RNF150: variants seen among roughly 807,000 people sequenced by gnomAD.
RNF150 encodes the protein ring finger protein 150.
Under a neutral mutation model 39.3 loss-of-function variants are expected in RNF150, and 24 were observed. The ratio of observed to expected loss-of-function variants is 0.61; its 90% CI spans 0.44 to 0.86. The LOEUF (loss-of-function observed/expected upper bound fraction) is 0.86. Among genes scored for constraint, RNF150 ranks in the 40% least tolerant of loss-of-function variants. The probability of loss-of-function intolerance (pLI) is 0.00; values close to 1 mark genes in which losing one functional copy is unlikely to be tolerated. For missense variants in RNF150, 502 were observed against 587.8 expected (o/e 0.85, Z 1.51); for synonymous variants, 255 against 227.3 (o/e 1.12, Z -1.10).
Position 140,999,969 on chromosome 4 carries a change from G to GAAGAAGAAGAAGAAGAAGAA in RNF150, c.485-32097_485-32096insTTCTTCTTCTTCTTCTTCTT, listed in dbSNP as rs1560678529. Among the ~76,000 whole-genome samples, 151 of 31,044 alleles carry GAAGAAGAAGAAGAAGAAGAA rather than the reference G, an allele frequency of 4.9e-3. 34 individuals carry two copies. Among genetic ancestry groups the GAAGAAGAAGAAGAAGAAGAA allele is most frequent in the South Asian group, 0.032 (13 of 402 alleles). The allele number at this position is 31,044 out of a possible 152,430, so 20.4% of individuals were successfully genotyped here. The stretch of plus-strand genomic sequence containing the variant: ...AGAAGAAGAAGAAGAAGAAGAAGAA[G>GAAGAAGAAGAAGAAGAAGAA]AAGAAGAAAAGAAGAAAAGAAGAAA... On this transcript the variant is annotated intron_variant, in intron 1 of 6. Transcript: ENST00000515673.
At chr4:141,203,392 T>C (rs554139288) in intron 1 of RNF150, among the ~76,000 whole-genome samples, 1 of 149,968 alleles carries the variant, frequency 6.7e-6, no homozygotes, top group South Asian at 2.1e-4. Flanking sequence ...ATATATAATA[T>C]TGGAGATTTT....
intron 1 of RNF150, among the ~76,000 whole-genome samples, chr4:141,083,943 C>T (rs1738253677): frequency 6.6e-6 from 1 of 152,186 alleles, no homozygotes; most frequent in South Asian, 2.1e-4. Context: ...TATACCCCTG[C>T]CTCCCAATCC....
chr4:141,161,392 A>T (rs1465385381), intron 1 of RNF150, among the ~76,000 whole-genome samples: 1 of 152,210 alleles, frequency 6.6e-6, no homozygotes, highest in African/African-American at 2.4e-5. Context: ...GTGTAAGCAA[A>T]GAAATGACCT....
At chr4:141,144,625 C>A (rs563737867) in intron 1 of RNF150, among the ~76,000 whole-genome samples, 220 of 143,972 alleles carry the variant, frequency 1.5e-3, no homozygotes, top group African/African-American at 4.4e-3. Context: ...ACTTTAGGAA[C>A]AAAAACGACT....
intron 1 of RNF150, among the ~76,000 whole-genome samples, chr4:141,209,475 TG>T (rs908797253): frequency 6.6e-6 from 1 of 152,198 alleles, no homozygotes; most frequent in African/African-American, 2.4e-5. Flanking sequence ...TAAATATTTT[TG>T]CATATATTTC....
At chr4:141,181,407 ACTT>A (rs1360063064) in intron 1 of RNF150, among the ~76,000 whole-genome samples, 1 of 152,198 alleles carries the variant, frequency 6.6e-6, no homozygotes, top group Non-Finnish European at 1.5e-5. Flanking sequence ...GACCTGAACT[ACTT>A]AAAGTTTTTT....
intron 1 of RNF150, among the ~76,000 whole-genome samples, chr4:141,149,701 G>A (rs1051636016): frequency 6.6e-6 from 1 of 152,094 alleles, no homozygotes; most frequent in Non-Finnish European, 1.5e-5. Context: ...ATAAACATAC[G>A]TGTGCAAGTA....
intron 4 of RNF150, chr4:140,944,537 TAAAG>T (rs991126051): frequency 1.2e-4 from 18 of 152,250 alleles, no homozygotes; most frequent in African/African-American, 4.1e-4. Flanking sequence ...CTACAACAAA[TAAAG>T]AGAGGAAGGC....
chr4:141,105,199 G>A lies in RNF150; in HGVS notation c.484+27126C>T, dbSNP rs1739157277. ...TGTATATAAGTGGGAATAACCCTCT[G>A]GTGATGATTTTTTGAATTAAAGGCT... is the stretch of plus-strand genomic sequence containing the variant. On this transcript the variant is annotated intron_variant, in intron 1 of 6. Coordinates refer to ENST00000515673, the MANE Select transcript of RNF150 (RefSeq NM_020724.2). Among the ~76,000 whole-genome samples the A allele has an allele frequency of 2.0e-5, 3 of 152,114 alleles. No individual in the cohort carries two copies. In the South Asian group the frequency reaches 6.2e-4, roughly 32 times the overall value.
At chr4:141,073,368 A>G (rs113525089) in intron 1 of RNF150, among the ~76,000 whole-genome samples, 244 of 152,256 alleles carry the variant, frequency 1.6e-3, no homozygotes, top group African/African-American at 5.6e-3. Flanking sequence ...AGGTTTCAGC[A>G]CAGGCCTCAT....
intron 6 of RNF150, among the ~76,000 whole-genome samples, chr4:140,903,452 G>A (rs1409322684): frequency 3.9e-5 from 6 of 152,030 alleles, no homozygotes; most frequent in East Asian, 1.9e-4. Flanking sequence ...CTTTAGAATC[G>A]AAATGCAAAC....
intron 1 of RNF150, among the ~76,000 whole-genome samples, chr4:141,082,087 C>A (rs1738171631): frequency 6.6e-6 from 1 of 152,230 alleles, no homozygotes; most frequent in Non-Finnish European, 1.5e-5. Flanking sequence ...ACAGTCACAA[C>A]ACATGGGCAA....
intron 1 of RNF150, among the ~76,000 whole-genome samples, chr4:141,001,328 T>A (rs1171322631): frequency 6.6e-6 from 1 of 152,106 alleles, no homozygotes; most frequent in Non-Finnish European, 1.5e-5. Context: ...GTCAATCTCC[T>A]TACATTTCCC....
rs149195077 is a variant in RNF150, at chr4:141,039,231, C to T, written c.485-71358G>A. Among the ~76,000 whole-genome samples, 100 of 152,112 alleles carry T rather than the reference C, an allele frequency of 6.6e-4. 2 individuals are homozygous for T. The South Asian group carries it at 0.019, about 29-fold the overall frequency. Reference sequence around the variant, plus strand: ...AAGTAGGTGAAATCTAAGTAGAGAACGCAACATTCTAGAAATTGGTATGGA... The same window carrying T: ...AAGTAGGTGAAATCTAAGTAGAGAATGCAACATTCTAGAAATTGGTATGGA... On this transcript the variant is annotated intron_variant, in intron 1 of 6. Coordinates refer to ENST00000515673, the MANE Select transcript of RNF150 (RefSeq NM_020724.2).
intron 1 of RNF150, among the ~76,000 whole-genome samples, chr4:140,984,171 C>T (rs1423052971): frequency 6.6e-6 from 1 of 152,114 alleles, no homozygotes; most frequent in Admixed American, 6.6e-5. Flanking sequence ...ATTAGGGACA[C>T]TCAACCTGTA....
At chr4:141,020,953 T>G (rs1735468260) in intron 1 of RNF150, among the ~76,000 whole-genome samples, 1 of 152,126 alleles carries the variant, frequency 6.6e-6, no homozygotes. Flanking sequence ...AAAACAGATT[T>G]TATTCAGGAC....
chr4:141,154,143 C>A (rs539455947), intron 1 of RNF150, among the ~76,000 whole-genome samples: 1 of 152,190 alleles, frequency 6.6e-6, no homozygotes, highest in East Asian at 1.9e-4. Flanking sequence ...CTATTAGACA[C>A]ATCATTTTAA....
chr4:141,188,445 C>A (rs937165791), intron 1 of RNF150, among the ~76,000 whole-genome samples: 13 of 152,124 alleles, frequency 8.5e-5, no homozygotes, highest in African/African-American at 3.1e-4. Flanking sequence ...AGTGTGTTTT[C>A]CTTCTTGGTT....
intron 1 of RNF150, among the ~76,000 whole-genome samples, chr4:141,030,194 A>G (rs1366431361): frequency 6.8e-6 from 1 of 148,008 alleles, no homozygotes; most frequent in Non-Finnish European, 1.5e-5. Flanking sequence ...ACTCCGTCTA[A>G]AAAAAAAAAA....
Sources: gnomAD v4.1 joint callset for allele counts (sites outside exome capture counted in the v4.1 genomes callset) on GRCh38, gnomAD v4.1.1 for gene constraint, MANE v1.5 for transcripts, NCBI Gene and HGNC (gene_info 2026-07-23, HGNC 2026-07-21) for gene names.